The following VIPR2 variants were observed in gnomAD, a reference collection of about 807,000 sequenced individuals.
VIPR2 encodes the protein vasoactive intestinal polypeptide receptor 2.
Under a neutral mutation model 58.0 loss-of-function variants are expected in VIPR2, and 48 were observed. The ratio of observed to expected loss-of-function variants is 0.83; its 90% CI spans 0.66 to 1.05. The LOEUF (loss-of-function observed/expected upper bound fraction) is 1.05, where lower values mean the gene tolerates loss of function less well. VIPR2 is among the 50% of genes least tolerant of loss of function. VIPR2 has a pLI of 0.00. For missense variants in VIPR2, 534 were observed against 558.0 expected (o/e 0.96, Z 0.43); for synonymous variants, 243 against 235.2 (o/e 1.03, Z -0.30).
intron 4 of VIPR2, among the ~76,000 whole-genome samples, chr7:159,064,049 G>C (rs1316513002): frequency 2.0e-5 from 3 of 152,028 alleles, no homozygotes; most frequent in Non-Finnish European, 2.9e-5. Context: ...CTCAGGCTCA[G>C]GCAGCACTGA....
chr7:159,114,637 T>C (rs543196100), intron 2 of VIPR2, among the ~76,000 whole-genome samples: 4 of 152,088 alleles, frequency 2.6e-5, no homozygotes, highest in Admixed American at 2.6e-4. Flanking sequence ...CAGAGAATAT[T>C]TGTTAAAAAT....
chr7:159,103,429 A>G lies in VIPR2; in HGVS notation c.357+328T>C, dbSNP rs553297763. On this transcript the variant is annotated intron_variant, in intron 4 of 12. Transcript: ENST00000262178. ...CAAGAAATCCAAATGCAGAAAGGGC[A>G]TGCTCTCCAGGACTCATCTGAAAAG... Among the ~76,000 whole-genome samples the G allele has an allele frequency of 6.6e-5, 10 of 152,320 alleles. No homozygotes were observed. In the East Asian group the frequency reaches 1.5e-3, roughly 23 times the overall value.
chr7:159,075,874 G>A lies in VIPR2; in HGVS notation c.358-17296C>T, dbSNP rs536382151. On this transcript the variant is annotated intron_variant, in intron 4 of 12. Transcript: ENST00000262178. ...CGGCACCCATGGACCCGCTGCATCA[G>A]CGAGTAGCCCAGGGCCGGCACCCAA... Among the ~76,000 whole-genome samples the A allele has an allele frequency of 1.7e-3, 252 of 152,080 alleles. 1 individual carries two copies. Among genetic ancestry groups the A allele is most frequent in the African/African-American group, 5.7e-3 (236 of 41,460 alleles).
At chr7:159,112,008 C>T (rs1563338477) in intron 2 of VIPR2, among the ~76,000 whole-genome samples, 1 of 152,070 alleles carries the variant, frequency 6.6e-6, no homozygotes, top group Non-Finnish European at 1.5e-5. Context: ...GAGACCTCGT[C>T]TCAATAAATA....
intron 2 of VIPR2, among the ~76,000 whole-genome samples, chr7:159,126,517 TG>T: frequency 6.6e-6 from 1 of 152,334 alleles, no homozygotes; most frequent in East Asian, 1.9e-4. Context: ...AGCAATTACC[TG>T]TCAAAACTAA....
intron 2 of VIPR2, among the ~76,000 whole-genome samples, chr7:159,140,655 C>G (rs1797427013): frequency 1.3e-5 from 2 of 152,222 alleles, no homozygotes; most frequent in African/African-American, 4.8e-5. Context: ...AGCCGAGTGA[C>G]AAGTTTCCCA....
In VIPR2 at chr7:159,098,623, C is replaced by T. The variant is rs1175473499; in HGVS notation, c.357+5134G>A. On this transcript the variant is annotated intron_variant, in intron 4 of 12. Coordinates refer to ENST00000262178, the MANE Select transcript of VIPR2 (RefSeq NM_003382.5). This position sits in a 1 kb window ranked among gnomAD's most constrained non-coding sequence, Gnocchi z 5.2. ...GATGAGATGCAGCTGCTCAGCAGTGCCCAGGGCTGCCCTAGAGCCCTCTGG... is the reference window on the plus strand; with the variant it reads ...GATGAGATGCAGCTGCTCAGCAGTGTCCAGGGCTGCCCTAGAGCCCTCTGG... Among the ~76,000 whole-genome samples the T allele has an allele frequency of 1.3e-5, 2 of 152,252 alleles. No homozygotes were observed. Among genetic ancestry groups the T allele is most frequent in the African/African-American group, 2.4e-5 (1 of 41,536 alleles).
At chr7:159,033,385 A>G (rs1259878260) in intron 10 of VIPR2, among the ~76,000 whole-genome samples, 1 of 151,174 alleles carries the variant, frequency 6.6e-6, no homozygotes. Flanking sequence ...CCGCCCTTCC[A>G]CCCCCGGTCA....
At position 159,128,391 on chromosome 7, in the gene VIPR2, C is replaced by T. The variant is rs1200124479; in HGVS notation, c.151+14055G>A. ...CCAGGTGCCTGCTGGCACCAGGACA[C>T]ACCTTATGCCCCTCAGATGACTGAG... On this transcript the variant is annotated intron_variant, in intron 2 of 12. Transcript: ENST00000262178. This position sits in a 1 kb window ranked among gnomAD's most constrained non-coding sequence, Gnocchi z 4.1. Among the ~76,000 whole-genome samples the T allele has an allele frequency of 1.3e-5, 2 of 152,174 alleles. No homozygotes were observed. The highest frequency in any genetic ancestry group is 2.9e-5 in the Non-Finnish European group (2 of 68,030).
At position 159,031,222 on chromosome 7, in the gene VIPR2, AG is replaced by A. The variant is rs1199371038; in HGVS notation, c.1144-434del. Among the ~76,000 whole-genome samples, 1 of 151,382 alleles carries A rather than the reference AG, an allele frequency of 6.6e-6. No homozygotes were observed. The highest frequency in any genetic ancestry group is 1.5e-5 in the Non-Finnish European group (1 of 67,870). On this transcript the variant is annotated intron_variant, in intron 12 of 12. Transcript: ENST00000262178. This position sits in a 1 kb window ranked among gnomAD's most constrained non-coding sequence, Gnocchi z 4.0. The stretch of plus-strand genomic sequence containing the variant: ...GGGGTGCCCGGACGGCAGAGGAGGG[AG>A]GAGGACAAGTGGCACTACTCGGGCT...
chr7:159,121,944 A>C (rs1243555243), intron 2 of VIPR2, among the ~76,000 whole-genome samples: 1 of 152,254 alleles, frequency 6.6e-6, no homozygotes, highest in African/African-American at 2.4e-5. Flanking sequence ...AACATGGTTT[A>C]ACCTTCAAAG....
intron 4 of VIPR2, among the ~76,000 whole-genome samples, chr7:159,061,775 G>C (rs571670008): frequency 4.5e-4 from 68 of 152,256 alleles, no homozygotes; most frequent in Non-Finnish European, 7.6e-4. Flanking sequence ...CCGACAGACA[G>C]GAAAGACGGC....
intron 4 of VIPR2, among the ~76,000 whole-genome samples, chr7:159,101,471 C>G (rs574929044): frequency 7.8e-6 from 1 of 127,982 alleles, no homozygotes; most frequent in African/African-American, 3.1e-5. Flanking sequence ...ATGAGTCTCA[C>G]GAGATCCGAC....
rs561617073 is a variant in VIPR2 at position 159,091,615 on chromosome 7, C to T, written c.357+12142G>A. Among the ~76,000 whole-genome samples, 198 of 152,328 alleles carry T rather than the reference C, an allele frequency of 1.3e-3. 3 individuals are homozygous for T. Among genetic ancestry groups the T allele is most frequent in the African/African-American group, 4.4e-3 (185 of 41,584 alleles). On this transcript the variant is annotated intron_variant, in intron 4 of 12. Coordinates refer to ENST00000262178, the MANE Select transcript of VIPR2 (RefSeq NM_003382.5). ...CCTGCACGTCACTCCTCACACAGTCCGGTTCCCCCATCAGCAATAGCAGTG... is the reference window on the plus strand; with the variant it reads ...CCTGCACGTCACTCCTCACACAGTCTGGTTCCCCCATCAGCAATAGCAGTG...
chr7:159,038,490 C>A (rs896710249), intron 6 of VIPR2, among the ~76,000 whole-genome samples: 4 of 152,162 alleles, frequency 2.6e-5, no homozygotes, highest in African/African-American at 9.7e-5. Context: ...GAAAGACACA[C>A]ATGATAACAC....
At position 159,144,865 on chromosome 7, in the gene VIPR2, T is replaced by A; in HGVS notation, c.-94A>T. On this transcript the variant is annotated 5_prime_UTR_variant, in exon 1 of 13. Coordinates refer to ENST00000262178, the MANE Select transcript of VIPR2 (RefSeq NM_003382.5). Reference sequence around the variant, plus strand: ...GCCTCCAGCATGGGCCGGGAGCGAGTGCGCGGAGACCTCGGGCCCCGCAGC... The same window carrying A: ...GCCTCCAGCATGGGCCGGGAGCGAGAGCGCGGAGACCTCGGGCCCCGCAGC... 6.0e-6 allele frequency: 7 copies of A among 1,160,320 alleles called. No individual in the cohort carries two copies. Among genetic ancestry groups the A allele is most frequent in the Non-Finnish European group, 7.6e-6 (7 of 926,028 alleles). 71.9% of individuals were successfully genotyped at this position (1,160,320 alleles called of 1,614,324 possible).
In VIPR2 at chr7:159,088,224, C is replaced by T. The variant is rs150215491; in HGVS notation, c.357+15533G>A. ...GAACCTACAGAGGAGCCAGCATCTG[C>T]AGCAGCACACTGGTACATCCACACA... On this transcript the variant is annotated intron_variant, in intron 4 of 12. Coordinates refer to ENST00000262178, the MANE Select transcript of VIPR2 (RefSeq NM_003382.5). Among the ~76,000 whole-genome samples the T allele has an allele frequency of 3.7e-3, 564 of 152,364 alleles. 3 individuals are homozygous for T. Among genetic ancestry groups the T allele is most frequent in the African/African-American group, 0.013 (526 of 41,574 alleles).
intron 4 of VIPR2, among the ~76,000 whole-genome samples, chr7:159,070,859 C>A (rs187351834): frequency 7.2e-5 from 11 of 152,296 alleles, no homozygotes; most frequent in Admixed American, 7.2e-4. Context: ...CCATTAAGGT[C>A]TTGGGGAAGC....
intron 5 of VIPR2, among the ~76,000 whole-genome samples, chr7:159,054,958 A>G (rs954029255): frequency 6.6e-6 from 1 of 152,180 alleles, no homozygotes; most frequent in Non-Finnish European, 1.5e-5. Context: ...GTAAATATAA[A>G]TGTGTGTACA....
Sources: allele counts gnomAD v4.1 joint callset (sites outside exome capture counted in the v4.1 genomes callset), GRCh38; gene constraint gnomAD v4.1.1; non-coding constraint Gnocchi (gnomAD v3.1); transcripts MANE v1.5; gene names NCBI Gene and HGNC (gene_info 2026-07-23, HGNC 2026-07-21).